NRG1: variants seen among roughly 807,000 people sequenced by gnomAD.
NRG1 encodes the protein pro-neuregulin-1, membrane-bound isoform.
NRG1 carries 18 observed loss-of-function variants against 63.8 expected under a neutral mutation model. That is an observed-to-expected ratio of 0.28 (90% CI 0.19 to 0.42). The LOEUF is 0.42. NRG1 is among the 10% of genes least tolerant of loss of function. NRG1 has a pLI of 1.00. For missense variants in NRG1, 762 were observed against 814.7 expected (o/e 0.94, Z 0.79); for synonymous variants, 302 against 301.3 (o/e 1.00, Z -0.02).
At chr8:32,038,099 C>G (rs1819364701) in intron 1 of NRG1, among the ~76,000 whole-genome samples, 1 of 152,272 alleles carries the variant, frequency 6.6e-6, no homozygotes, top group South Asian at 2.1e-4. Flanking sequence ...GCCTGCACAG[C>G]TCTGTGTTTT....
At chr8:32,213,564 T>C (rs1413026205) in intron 1 of NRG1, among the ~76,000 whole-genome samples, 1 of 152,116 alleles carries the variant, frequency 6.6e-6, no homozygotes, top group East Asian at 1.9e-4. Flanking sequence ...GGCACATGTT[T>C]ACCTATGTGA....
chr8:32,305,203 G>A (rs977651649), intron 1 of NRG1, among the ~76,000 whole-genome samples: 1 of 151,824 alleles, frequency 6.6e-6, no homozygotes, highest in African/African-American at 2.4e-5. Flanking sequence ...AAAAATACTA[G>A]TGATATACTA....
chr8:32,760,297 G>A (rs770592837), exon 11 of NRG1: 2 of 1,613,916 alleles, frequency 1.2e-6, no homozygotes, highest in South Asian at 1.1e-5. Flanking sequence ...CCCAACTGGG[G>A]GCCCAAGAGG....
intron 1 of NRG1, among the ~76,000 whole-genome samples, chr8:31,679,666 G>A (rs1347126732): frequency 6.6e-6 from 1 of 151,980 alleles, no homozygotes; most frequent in Non-Finnish European, 1.5e-5. Context: ...TCTTTAATCA[G>A]CAAGATAACA....
chr8:32,361,875 G>A (rs1437304863), intron 1 of NRG1, among the ~76,000 whole-genome samples: 1 of 152,156 alleles, frequency 6.6e-6, no homozygotes, highest in Non-Finnish European at 1.5e-5. Context: ...CTCCATGCCT[G>A]CTTCCAGCTC....
At chr8:32,628,838 T>C (rs1295832916) in intron 5 of NRG1, among the ~76,000 whole-genome samples, 2 of 151,698 alleles carry the variant, frequency 1.3e-5, no homozygotes, top group African/African-American at 4.8e-5. Context: ...GTTCAAGCGA[T>C]TCTCCTGCCT....
chr8:32,113,629 A>C (rs947374860), intron 1 of NRG1, among the ~76,000 whole-genome samples: 2 of 152,224 alleles, frequency 1.3e-5, no homozygotes, highest in African/African-American at 4.8e-5. Context: ...ATCTGATATA[A>C]GTGTCTACCT....
chr8:32,113,754 A>G (rs537367135), intron 1 of NRG1, among the ~76,000 whole-genome samples: 74 of 152,344 alleles, frequency 4.9e-4, no homozygotes, highest in African/African-American at 1.7e-3. Flanking sequence ...AGTTTAGAAC[A>G]CAAAATAACT....
intron 1 of NRG1, among the ~76,000 whole-genome samples, chr8:31,736,854 C>T (rs1357787899): frequency 6.6e-6 from 1 of 152,128 alleles, no homozygotes; most frequent in Non-Finnish European, 1.5e-5. Flanking sequence ...TGTACGTACA[C>T]ACACATGCAC....
At chr8:32,771,817 G>C (rs13256846), downstream of NRG1, among the ~76,000 whole-genome samples, 122,508 of 145,006 alleles carry the variant, frequency 0.84, 52,080 homozygotes, top group Middle Eastern at 0.92. Context: ...GAGGTCAGGA[G>C]TTTGAGACTG....
At chr8:31,830,371 CTCCTTCCCTCCTTCCCTCCTTCTT>C (rs1825019342) in intron 1 of NRG1, among the ~76,000 whole-genome samples, 1 of 135,578 alleles carries the variant, frequency 7.4e-6, no homozygotes, top group African/African-American at 2.8e-5. Context: ...CCCTCCTTCC[CTCCTTCCCTCCTTCCCTCCTTCTT>C]TCCTTCTGTA....
chr8:32,258,162 C>T (rs543835454), intron 1 of NRG1, among the ~76,000 whole-genome samples: 1 of 152,264 alleles, frequency 6.6e-6, no homozygotes, highest in East Asian at 1.9e-4. Context: ...ACACTCATCT[C>T]CTGAAGGCTT....
intron 1 of NRG1, among the ~76,000 whole-genome samples, chr8:32,330,134 A>G (rs1802477554): frequency 1.4e-5 from 2 of 147,984 alleles, no homozygotes; most frequent in African/African-American, 5.0e-5. Context: ...CCTGGCCCTA[A>G]GTGATCCTCC....
chr8:32,704,170 T>C (rs944389930), intron 5 of NRG1, among the ~76,000 whole-genome samples: 1 of 152,206 alleles, frequency 6.6e-6, no homozygotes, highest in Non-Finnish European at 1.5e-5. Flanking sequence ...TAATTTCTTC[T>C]TTCTATCTCC....
At chr8:32,754,101 CTA>C (rs1251351321) in intron 7 of NRG1, among the ~76,000 whole-genome samples, 1 of 152,102 alleles carries the variant, frequency 6.6e-6, no homozygotes, top group Non-Finnish European at 1.5e-5. Flanking sequence ...TTACTATCAA[CTA>C]TATATATCTC....
At chr8:32,008,750 C>T (rs919593494) in intron 1 of NRG1, among the ~76,000 whole-genome samples, 9 of 152,058 alleles carry the variant, frequency 5.9e-5, no homozygotes. Flanking sequence ...TGCTAGTTTT[C>T]TGAAGAGCTG....
At chr8:32,275,539 G>C (rs1852004564) in intron 1 of NRG1, among the ~76,000 whole-genome samples, 1 of 152,166 alleles carries the variant, frequency 6.6e-6, no homozygotes, top group African/African-American at 2.4e-5. Context: ...GGAAGGGAGA[G>C]AGTGGATGAA....
intron 1 of NRG1, among the ~76,000 whole-genome samples, chr8:32,365,473 A>G (rs908652624): frequency 2.0e-5 from 3 of 152,154 alleles, no homozygotes; most frequent in Non-Finnish European, 4.4e-5. Flanking sequence ...AAAACCTCTG[A>G]AATAATGAAT....
chr8:32,369,678 A>G (rs1028839093), intron 1 of NRG1, among the ~76,000 whole-genome samples: 2 of 152,190 alleles, frequency 1.3e-5, no homozygotes, highest in African/African-American at 2.4e-5. Context: ...TGTCTGCCAG[A>G]TTTTCAAATT....
Sources: gnomAD v4.1 joint callset for allele counts (sites outside exome capture counted in the v4.1 genomes callset) on GRCh38, gnomAD v4.1.1 for gene constraint, MANE v1.5 for transcripts, NCBI Gene and HGNC (gene_info 2026-07-23, HGNC 2026-07-21) for gene names.